Variants in C21orf58 observed in about 807,000 individuals in gnomAD.
C21orf58 encodes uncharacterized protein C21orf58.
A neutral mutation model predicts 35.8 loss-of-function variants in C21orf58; 34 were observed. The observed-to-expected ratio is 0.95, with a 90% confidence interval of 0.72 to 1.26. The LOEUF (loss-of-function observed/expected upper bound fraction) is 1.26. C21orf58 is among the 50% of genes most tolerant of loss of function. C21orf58 has a pLI of 0.00. For synonymous variants in C21orf58, 191 were observed against 175.8 expected, an observed-to-expected ratio of 1.09 and a Z score of -0.68; for missense variants, 440 against 414.3, an observed-to-expected ratio of 1.06 and a Z score of -0.54.
chr21:46,302,316 C>T (rs1170002271), intron 7 of C21orf58, among the ~76,000 whole-genome samples, 162 bp from the exon 8 acceptor site: 1 of 152,232 alleles, frequency 6.6e-6, no homozygotes, highest in East Asian at 1.9e-4. Flanking sequence ...ATTGTGCAAC[C>T]CATTCCTCAT....
rs924241276 is a variant in C21orf58 at position 46,311,704 on chromosome 21, C to G, written c.610-137G>C. 8.5e-6 allele frequency: 4 copies of G among 471,494 alleles called. 1 individual carries two copies. The highest frequency in any genetic ancestry group is 1.2e-5 in the Non-Finnish European group (3 of 258,226). 29.2% of individuals were successfully genotyped at this position (471,494 alleles called of 1,614,324 possible). ...CCACCCATCCATCCAACCAACCAAC[C>G]AACCAACCAACCATCCACCCATCCA... On this transcript the variant is annotated intron_variant, in intron 5 of 7. Coordinates refer to ENST00000291691, the MANE Select transcript of C21orf58 (RefSeq NM_058180.5).
At chr21:46,305,661 C>T (rs981566967) in intron 6 of C21orf58, among the ~76,000 whole-genome samples, 2 of 152,080 alleles carry the variant, frequency 1.3e-5, no homozygotes, top group South Asian at 2.1e-4. Context: ...GAATCTTGGC[C>T]GGGCGCGGTG....
chr21:46,316,018 G>A (rs1342040763), intron 3 of C21orf58, among the ~76,000 whole-genome samples: 1 of 152,078 alleles, frequency 6.6e-6, no homozygotes, highest in African/African-American at 2.4e-5. Flanking sequence ...GGGCGTGGTG[G>A]CTCATGCCTG....
intron 4 of C21orf58, 128 bp downstream of exon 4, chr21:46,315,346 G>C: frequency 1.5e-6 from 1 of 674,542 alleles, no homozygotes; most frequent in Admixed American, 2.3e-5. Context: ...CAGTGTCCTT[G>C]CTGGGGCCTG....
At chr21:46,318,407 C>G in intron 1 of C21orf58, 187 bp from the exon 2 acceptor site, 1 of 1,431,810 alleles carries the variant, frequency 7.0e-7, no homozygotes, top group Non-Finnish European at 9.1e-7. Context: ...GTGTGGCCAG[C>G]TGGGCTTCAT....
chr21:46,302,405 A>T (rs1355876081), intron 7 of C21orf58, 80 bp downstream of exon 7: 4 of 1,215,046 alleles, frequency 3.3e-6, no homozygotes, highest in Non-Finnish European at 4.7e-6. Flanking sequence ...TCAGAGCTAC[A>T]CAGATGCAGA....
chr21:46,311,471 C>T lies in C21orf58; in HGVS notation c.706G>A (p.Gly236Arg). The T allele has an allele frequency of 6.3e-7, 1 of 1,598,066 alleles. No individual in the cohort carries two copies. The highest frequency in any genetic ancestry group is 8.6e-7 in the Non-Finnish European group (1 of 1,168,570). The part of the protein sequence containing the change: ...PPQAFPTQRS[G>R]SIKEDMVELL... Reference sequence around the variant, plus strand: ...GAACACTTACCTTCCTTAATACTTCCTGACCGTTGAGTAGGGAAGGCCTGG... The same window carrying T: ...GAACACTTACCTTCCTTAATACTTCTTGACCGTTGAGTAGGGAAGGCCTGG... Residue 236 changes from glycine (G) to arginine (R), a missense_variant, in exon 6 of 8, where the codon GGA becomes AGA. Gly to Arg is a moderately radical substitution (Grantham distance 125, BLOSUM62 -2). Coordinates refer to ENST00000291691, the MANE Select transcript of C21orf58 (RefSeq NM_058180.5).
downstream of C21orf58, chr21:46,300,767 C>A (rs921633433): frequency 1.6e-5 from 20 of 1,289,036 alleles, no homozygotes; most frequent in East Asian, 1.1e-3. Flanking sequence ...CCTCCTTGTG[C>A]GGAACTTCAG....
chr21:46,321,670 C>T (rs1260301762), intron 1 of C21orf58, among the ~76,000 whole-genome samples: 1 of 152,166 alleles, frequency 6.6e-6, no homozygotes, highest in Admixed American at 6.5e-5. Flanking sequence ...GCCACTGTCA[C>T]CCCATCACAT....
At chr21:46,317,291 C>CA (rs1569135985) in intron 2 of C21orf58, 23 bp from the exon 3 acceptor site, 1 of 1,608,464 alleles carries the variant, frequency 6.2e-7, no homozygotes, top group South Asian at 1.1e-5. Flanking sequence ...GAGACCGTGA[C>CA]AGAGACGGTG....
Position 46,301,769 on chromosome 21 carries a change from C to T in C21orf58, c.*230G>A. ...CTGTTGCCCTGGTGGGGTTCACAGG[C>T]CCCTCACTGCAGGGGACCCGGAGCA... On this transcript the variant is annotated 3_prime_UTR_variant, in exon 8 of 8. Transcript: ENST00000291691. The T allele has an allele frequency of 8.1e-7, 1 of 1,229,848 alleles. No homozygotes were observed. The allele number at this position is 1,229,848 out of a possible 1,614,324, so 76.2% of individuals were successfully genotyped here. A position where few individuals can be genotyped will look rare whatever the true frequency, so the allele number is the denominator to read the frequency against.
chr21:46,303,195 C>G (rs988148602), intron 6 of C21orf58, among the ~76,000 whole-genome samples: 4 of 151,812 alleles, frequency 2.6e-5, no homozygotes, highest in African/African-American at 7.3e-5. Flanking sequence ...ACATCTAAGC[C>G]AGTTGTAGTG....
intron 6 of C21orf58, among the ~76,000 whole-genome samples, chr21:46,303,592 C>T (rs891209489): frequency 6.7e-6 from 1 of 148,742 alleles, no homozygotes; most frequent in Non-Finnish European, 1.5e-5. Context: ...TGGCTCATGC[C>T]TGTGATGCTC....
chr21:46,320,377 G>A (rs2083114032), intron 1 of C21orf58, among the ~76,000 whole-genome samples: 1 of 151,876 alleles, frequency 6.6e-6, no homozygotes, highest in South Asian at 2.1e-4. Flanking sequence ...GCTAGGATTA[G>A]AGGTGTGAGC....
intron 6 of C21orf58, among the ~76,000 whole-genome samples, chr21:46,305,845 G>T (rs548028994): frequency 6.6e-6 from 1 of 152,260 alleles, no homozygotes; most frequent in East Asian, 1.9e-4. Flanking sequence ...GGAAGGCTGA[G>T]GCAGGAGAAT....
Position 46,322,791 on chromosome 21 carries a change from T to A in C21orf58, c.-53A>T, listed in dbSNP as rs943676384. On this transcript the variant is annotated 5_prime_UTR_variant, in exon 1 of 8. Coordinates refer to ENST00000291691, the MANE Select transcript of C21orf58 (RefSeq NM_058180.5). ...GACTGTCTCAAAAAAAGAAAAAAAA[T>A]TCTGAGCGAGATTCCAGGGCTTCCT... is the stretch of plus-strand genomic sequence containing the variant. The A allele has an allele frequency of 1.6e-6, 2 of 1,260,582 alleles. No homozygotes were observed. The highest frequency in any genetic ancestry group is 2.1e-6 in the Non-Finnish European group (2 of 951,836). The allele number at this position is 1,260,582 out of a possible 1,614,324, so 78.1% of individuals were successfully genotyped here. A position where few individuals can be genotyped will look rare whatever the true frequency, so the allele number is the denominator to read the frequency against.
At chr21:46,314,595 T>G in intron 5 of C21orf58, 121 bp downstream of exon 5, 1 of 777,840 alleles carries the variant, frequency 1.3e-6, no homozygotes, top group Non-Finnish European at 2.0e-6. Flanking sequence ...GGGTGGGCCT[T>G]GGGAGGATGG....
Position 46,301,363 on chromosome 21 carries a change from T to A in C21orf58, c.*636A>T. ...GGTCTTGCTATGTGACCCAGGCTGG[T>A]CTCGAATTCCTGAGCTCAAGTGATC... On this transcript the variant is annotated 3_prime_UTR_variant, in exon 8 of 8. Coordinates refer to ENST00000291691, the MANE Select transcript of C21orf58 (RefSeq NM_058180.5). 1 of 541,936 alleles carries A rather than the reference T, an allele frequency of 1.8e-6. No homozygotes were observed. Among genetic ancestry groups the A allele is most frequent in the Non-Finnish European group, 2.4e-6 (1 of 425,106 alleles). The allele number at this position is 541,936 out of a possible 1,614,324, so 33.6% of individuals were successfully genotyped here. A position where few individuals can be genotyped will look rare whatever the true frequency, so the allele number is the denominator to read the frequency against.
intron 6 of C21orf58, among the ~76,000 whole-genome samples, chr21:46,310,508 A>T (rs953822367): frequency 6.9e-6 from 1 of 145,154 alleles, no homozygotes; most frequent in Non-Finnish European, 1.6e-5. Context: ...AAAAAAAAAA[A>T]ACAAAACTTG....
Sources: allele counts gnomAD v4.1 joint callset (sites outside exome capture counted in the v4.1 genomes callset), GRCh38; gene constraint gnomAD v4.1.1; transcripts MANE v1.5; gene names NCBI Gene and HGNC (gene_info 2026-07-23, HGNC 2026-07-21).